ACAT1: variants seen among roughly 807,000 people sequenced by gnomAD.
ACAT1 encodes the protein acetyl-CoA acetyltransferase 1, also known as acetyl-CoA acetyltransferase, mitochondrial.
Under a neutral mutation model 47.3 loss-of-function variants are expected in ACAT1, and 28 were observed. That is an observed-to-expected ratio of 0.59 (90% confidence interval 0.44 to 0.81). The LOEUF is 0.81. Ranked by LOEUF, ACAT1 falls within the 30% of genes least tolerant of loss-of-function variation. ACAT1 has a pLI of 0.00. For synonymous variants in ACAT1, 181 were observed against 173.6 expected, an observed-to-expected ratio of 1.04 and a Z score of -0.34; for missense variants, 469 against 524.3, an observed-to-expected ratio of 0.89 and a Z score of 1.03.
At chr11:108,125,344 T>TATTATTATA (rs2077228350) in intron 1 of ACAT1, among the ~76,000 whole-genome samples, 11 of 152,200 alleles carry the variant, frequency 7.2e-5, no homozygotes, top group African/African-American at 2.4e-5. Context: ...TGGTTCAGTG[T>TATTATTATA]CCTGACCATA....
intron 10 of ACAT1, 162 bp downstream of exon 10, chr11:108,144,209 G>T: frequency 4.5e-6 from 3 of 673,900 alleles, no homozygotes; most frequent in Middle Eastern, 4.0e-4. Flanking sequence ...GAGCAACAAG[G>T]ATAACAAACA....
chr11:108,146,416 A>C, intron 11 of ACAT1, 57 bp downstream of exon 11: 1 of 1,580,890 alleles, frequency 6.3e-7, no homozygotes, highest in South Asian at 1.1e-5. Context: ...TTTCTAGCTA[A>C]ACTTAAAACT....
chr11:108,118,357 A>G (rs945757373), upstream of ACAT1, among the ~76,000 whole-genome samples: 1 of 152,220 alleles, frequency 6.6e-6, no homozygotes, highest in Non-Finnish European at 1.5e-5. Context: ...ATTTCACAGA[A>G]GAAATGTTAA....
At chr11:108,116,776 G>A (rs1233098185), upstream of ACAT1, among the ~76,000 whole-genome samples, 1 of 152,086 alleles carries the variant, frequency 6.6e-6, no homozygotes, top group African/African-American at 2.4e-5. Flanking sequence ...TACAAAGCCA[G>A]GAATACCAAG....
At chr11:108,128,190 G>A (rs2077287957) in intron 1 of ACAT1, among the ~76,000 whole-genome samples, 1 of 152,212 alleles carries the variant, frequency 6.6e-6, no homozygotes, top group Admixed American at 6.5e-5. Flanking sequence ...TGGTAAACTG[G>A]CAGAAATAAA....
At chr11:108,133,236 G>A (rs929574363) in intron 2 of ACAT1, among the ~76,000 whole-genome samples, 6 of 152,042 alleles carry the variant, frequency 3.9e-5, no homozygotes, top group Non-Finnish European at 8.8e-5. Context: ...CTAGTTAAGT[G>A]GTATTGCCCC....
intron 1 of ACAT1, among the ~76,000 whole-genome samples, chr11:108,130,067 T>A (rs1213971826): frequency 1.3e-5 from 2 of 152,212 alleles, no homozygotes; most frequent in African/African-American, 4.8e-5. Flanking sequence ...TGAGTATATA[T>A]GTTGCATTCT....
chr11:108,147,163 T>C lies in ACAT1; in HGVS notation c.1164-107T>C, dbSNP rs886439948. The C allele has an allele frequency of 1.5e-5, 19 of 1,303,394 alleles. No individual in the cohort carries two copies. In the African/African-American group the frequency reaches 2.2e-4, roughly 15 times the overall value. The allele number at this position is 1,303,394 out of a possible 1,614,324, so 80.7% of individuals were successfully genotyped here. On this transcript the variant is annotated intron_variant, in intron 11 of 11. Transcript: ENST00000265838. ...GAATAGTAGTAGTTAATTCAGCAAG[T>C]AGTAGTGGCTAGTAAGGTTTTCAAG...
chr11:108,140,270 T>C, intron 7 of ACAT1, 55 bp downstream of exon 7: 1 of 1,602,454 alleles, frequency 6.2e-7, no homozygotes, highest in Non-Finnish European at 8.5e-7. Context: ...CTGAATGTTT[T>C]ATGCTTAAGT....
chr11:108,130,285 G>C (rs577196168), intron 1 of ACAT1, among the ~76,000 whole-genome samples: 1 of 152,222 alleles, frequency 6.6e-6, no homozygotes, highest in Non-Finnish European at 1.5e-5. Context: ...GAGTCACCTT[G>C]TAAGTACTTA....
chr11:108,146,443 T>C (rs1380800939), intron 11 of ACAT1, 84 bp downstream of exon 11: 11 of 1,509,414 alleles, frequency 7.3e-6, no homozygotes, highest in Non-Finnish European at 1.0e-5. Flanking sequence ...TAATTCCCAT[T>C]GCTCTTAAGT....
At chr11:108,123,898 G>C (rs1052341097) in intron 1 of ACAT1, among the ~76,000 whole-genome samples, 6 of 152,090 alleles carry the variant, frequency 3.9e-5, no homozygotes, top group African/African-American at 1.4e-4. Flanking sequence ...TTTTGATCCA[G>C]TTTTATTCAG....
At chr11:108,118,875 G>A (rs546238453), upstream of ACAT1, among the ~76,000 whole-genome samples, 1 of 152,266 alleles carries the variant, frequency 6.6e-6, no homozygotes, top group South Asian at 2.1e-4. Flanking sequence ...GAACATAGTG[G>A]CACTTTTTCC....
At chr11:108,119,567 C>T (rs1479977719), upstream of ACAT1, among the ~76,000 whole-genome samples, 1 of 152,182 alleles carries the variant, frequency 6.6e-6, no homozygotes, top group Non-Finnish European at 1.5e-5. Flanking sequence ...AACTGGTAAT[C>T]TCTATGAGGC....
chr11:108,117,561 G>A (rs373110270), upstream of ACAT1, among the ~76,000 whole-genome samples: 1 of 151,938 alleles, frequency 6.6e-6, no homozygotes, highest in Non-Finnish European at 1.5e-5. Context: ...TGCCCTCCTT[G>A]GCCTCCCAAA....
chr11:108,117,839 T>G, upstream of ACAT1, among the ~76,000 whole-genome samples: 1 of 152,216 alleles, frequency 6.6e-6, no homozygotes, highest in Non-Finnish European at 1.5e-5. Context: ...CTAATATTCC[T>G]AAAACTAACT....
intron 1 of ACAT1, 136 bp downstream of exon 1, chr11:108,121,814 G>A (rs1481679528): frequency 2.0e-6 from 2 of 992,600 alleles, no homozygotes; most frequent in African/African-American, 1.6e-5. Context: ...CACGCGACGG[G>A]TTCTGGTCCA....
intron 11 of ACAT1, 147 bp from the exon 12 acceptor site, chr11:108,147,123 C>A: frequency 1.1e-6 from 1 of 943,944 alleles, no homozygotes; most frequent in Non-Finnish European, 1.6e-6. Context: ...ACAAGTCCTC[C>A]AAGTTTTAGT....
At chr11:108,120,668 G>C (rs2077131804), upstream of ACAT1, among the ~76,000 whole-genome samples, 1 of 152,208 alleles carries the variant, frequency 6.6e-6, no homozygotes, top group African/African-American at 2.4e-5. Context: ...GATGTCTGGG[G>C]TCTCAGCTGG....
Sources: allele counts gnomAD v4.1 joint callset (sites outside exome capture counted in the v4.1 genomes callset), GRCh38; gene constraint gnomAD v4.1.1; transcripts MANE v1.5; gene names NCBI Gene and HGNC (gene_info 2026-07-23, HGNC 2026-07-21).